VWA8: variants seen among roughly 807,000 people sequenced by gnomAD.
The protein encoded by VWA8 is von Willebrand factor A domain containing 8, also known as von Willebrand factor A domain-containing protein 8.
In VWA8, 221 loss-of-function variants were observed where a neutral mutation model predicts 241.5. The observed-to-expected ratio is 0.91, with a 90% CI of 0.82 to 1.02. The LOEUF (loss-of-function observed/expected upper bound fraction) is 1.02. VWA8 is among the 50% of genes least tolerant of loss of function. The pLI, the probability that VWA8 is intolerant of heterozygous loss-of-function variation, is 0.00. For missense variants in VWA8, 2,322 were observed against 2,328.7 expected (o/e 1.00, Z 0.06); for synonymous variants, 852 against 827.1 (o/e 1.03, Z -0.52).
intron 3 of VWA8, 119 bp downstream of exon 3, chr13:41,911,919 G>A (rs1876019577): frequency 8.6e-7 from 1 of 1,164,888 alleles, no homozygotes; most frequent in East Asian, 3.0e-5. Flanking sequence ...ACCCTTTGAT[G>A]TCAGCATTTG....
intron 37 of VWA8, among the ~76,000 whole-genome samples, chr13:41,669,531 A>G (rs546830479): frequency 1.3e-5 from 2 of 152,346 alleles, no homozygotes; most frequent in East Asian, 3.9e-4. Context: ...GGCCTACATG[A>G]TTAAAAAACA....
At chr13:41,829,530 T>C (rs1311017670) in intron 14 of VWA8, among the ~76,000 whole-genome samples, 1 of 139,720 alleles carries the variant, frequency 7.2e-6, no homozygotes. Flanking sequence ...GGAAATGTGA[T>C]ACACACACAC....
At chr13:41,589,769 A>T (rs1031550351) in intron 41 of VWA8, among the ~76,000 whole-genome samples, 4 of 152,108 alleles carry the variant, frequency 2.6e-5, no homozygotes, top group Admixed American at 2.6e-4. Flanking sequence ...GTCACAAACC[A>T]TTGCTTTGTG....
chr13:41,927,778 T>C (rs1876918928), intron 2 of VWA8, among the ~76,000 whole-genome samples: 1 of 152,086 alleles, frequency 6.6e-6, no homozygotes, highest in African/African-American at 2.4e-5. Flanking sequence ...TTATCTTGAA[T>C]GTAAATAAAT....
chr13:41,760,876 C>T (rs2137906102), intron 21 of VWA8, among the ~76,000 whole-genome samples: 1 of 152,030 alleles, frequency 6.6e-6, no homozygotes, highest in South Asian at 2.1e-4. Context: ...AGATCTGTTC[C>T]TAGAATGTAA....
At chr13:41,863,132 A>G (rs954048226) in intron 12 of VWA8, among the ~76,000 whole-genome samples, 1 of 151,906 alleles carries the variant, frequency 6.6e-6, no homozygotes, top group African/African-American at 2.4e-5. Context: ...GCATCATCTA[A>G]TCAGCTGCCA....
At chr13:41,869,064 T>A (rs894543454) in intron 9 of VWA8, among the ~76,000 whole-genome samples, 1 of 152,124 alleles carries the variant, frequency 6.6e-6, no homozygotes, top group African/African-American at 2.4e-5. Flanking sequence ...CCTGACCTGG[T>A]AGAAGTTCAT....
Position 41,796,409 on chromosome 13 carries a change from T to G in VWA8, c.2064-8866A>C, listed in dbSNP as rs1005237583. Among the ~76,000 whole-genome samples, 5 of 152,178 alleles carry G rather than the reference T, an allele frequency of 3.3e-5. No homozygotes were observed. The East Asian group carries it at 5.8e-4, about 18-fold the overall frequency. ...TGGGTCGATTTGAATTTTCTATTCA[T>G]TCTTGACCAATTTAGGTAATACACA... On this transcript the variant is annotated intron_variant, in intron 17 of 44. Transcript: ENST00000379310.
At chr13:41,753,755 C>T (rs1434833467) in intron 21 of VWA8, among the ~76,000 whole-genome samples, 1 of 152,126 alleles carries the variant, frequency 6.6e-6, no homozygotes, top group Non-Finnish European at 1.5e-5. Context: ...GCCCTTATAA[C>T]TAATTTGTTC....
At chr13:41,610,866 T>C (rs192171933) in intron 39 of VWA8, among the ~76,000 whole-genome samples, 16 of 152,292 alleles carry the variant, frequency 1.1e-4, no homozygotes, top group Admixed American at 2.0e-4. Flanking sequence ...CCTATTGTAG[T>C]GGCCCAGAAC....
chr13:41,881,178 A>G (rs552302555), intron 9 of VWA8, among the ~76,000 whole-genome samples: 1 of 151,982 alleles, frequency 6.6e-6, no homozygotes, highest in South Asian at 2.1e-4. Flanking sequence ...AGCCACTTCA[A>G]CCTGGGAACT....
At chr13:41,895,827 T>C (rs1875073672) in intron 4 of VWA8, among the ~76,000 whole-genome samples, 1 of 84,974 alleles carries the variant, frequency 1.2e-5, no homozygotes, top group Admixed American at 1.7e-4. Flanking sequence ...TACTTGCAAA[T>C]TTTCTTTTTT....
At chr13:41,861,877 C>G (rs1873022576) in intron 12 of VWA8, among the ~76,000 whole-genome samples, 1 of 152,146 alleles carries the variant, frequency 6.6e-6, no homozygotes, top group African/African-American at 2.4e-5. Context: ...CTGCCCAAAG[C>G]AATTTACAGA....
At chr13:41,886,760 C>T (rs957925450) in intron 7 of VWA8, 21 bp downstream of exon 7, 20 of 1,569,786 alleles carry the variant, frequency 1.3e-5, no homozygotes, top group Non-Finnish European at 1.6e-5. Context: ...AGTGTCCAGA[C>T]ATTTATAAAA....
chr13:41,789,437 T>G (rs1255188343), intron 17 of VWA8, among the ~76,000 whole-genome samples: 1 of 152,154 alleles, frequency 6.6e-6, no homozygotes, highest in Non-Finnish European at 1.5e-5. Context: ...TTAAAAGTAA[T>G]TATTACATTT....
intron 29 of VWA8, 54 bp from the exon 30 acceptor site, chr13:41,693,026 TTTTA>T: frequency 1.4e-6 from 2 of 1,379,840 alleles, no homozygotes; most frequent in Non-Finnish European, 2.0e-6. Context: ...TTTTTTTTTT[TTTTA>T]AAGCAGCAAC....
At chr13:41,658,747 A>G (rs1220362121) in intron 37 of VWA8, among the ~76,000 whole-genome samples, 1 of 152,130 alleles carries the variant, frequency 6.6e-6, no homozygotes, top group Non-Finnish European at 1.5e-5. Context: ...CCTTCTAAAC[A>G]CAGCCAATGC....
At chr13:41,620,137 C>T (rs536274018) in intron 37 of VWA8, among the ~76,000 whole-genome samples, 1 of 152,208 alleles carries the variant, frequency 6.6e-6, no homozygotes, top group South Asian at 2.1e-4. Context: ...ATTATTTCCT[C>T]AATTTCAGGG....
chr13:41,934,584 T>C (rs907022633), intron 2 of VWA8, among the ~76,000 whole-genome samples: 9 of 152,092 alleles, frequency 5.9e-5, no homozygotes, highest in African/African-American at 2.2e-4. Context: ...TTGTAATATA[T>C]CCATACAATG....
Sources: allele counts gnomAD v4.1 joint callset (sites outside exome capture counted in the v4.1 genomes callset), GRCh38; gene constraint gnomAD v4.1.1; transcripts MANE v1.5; gene names NCBI Gene and HGNC (gene_info 2026-07-23, HGNC 2026-07-21).